The following SHOC1 variants were observed in gnomAD, a reference collection of about 807,000 sequenced individuals.
SHOC1 encodes protein shortage in chiasmata 1 ortholog.
In SHOC1, 136 loss-of-function variants were observed where a neutral mutation model predicts 179.2. That is an observed-to-expected ratio of 0.76 (90% CI 0.66 to 0.87). SHOC1 has a LOEUF of 0.87. Ranked by LOEUF, SHOC1 falls within the 40% of genes least tolerant of loss-of-function variation. The pLI is 0.00. For missense variants in SHOC1, 1,538 were observed against 1,700.8 expected, an observed-to-expected ratio of 0.90 and a Z score of 1.68; for synonymous variants, 489 against 586.6, an observed-to-expected ratio of 0.83 and a Z score of 2.41.
intron 8 of SHOC1, among the ~76,000 whole-genome samples, chr9:111,751,973 T>C (rs1165525599): frequency 6.6e-6 from 1 of 152,238 alleles, no homozygotes; most frequent in South Asian, 2.1e-4. Context: ...TTCCTGTAGA[T>C]AGCATTTATA....
intron 15 of SHOC1, among the ~76,000 whole-genome samples, chr9:111,719,767 A>C (rs1270767231): frequency 1.3e-5 from 2 of 152,134 alleles, no homozygotes; most frequent in Non-Finnish European, 2.9e-5. Context: ...TACTACTGTG[A>C]CCTCGCGGTT....
chr9:111,746,604 G>C (rs917031453), intron 9 of SHOC1, among the ~76,000 whole-genome samples: 7 of 152,108 alleles, frequency 4.6e-5, no homozygotes, highest in Non-Finnish European at 1.0e-4. Context: ...AGGAATTTGA[G>C]ATTGCAATGA....
chr9:111,759,532 C>T (rs1835044503), intron 5 of SHOC1: 2 of 1,179,976 alleles, frequency 1.7e-6, no homozygotes, highest in South Asian at 4.1e-5. Flanking sequence ...GGCTAGCTGT[C>T]TAACAGCTTT....
intron 7 of SHOC1, among the ~76,000 whole-genome samples, chr9:111,757,520 C>T (rs1834922603): frequency 6.6e-6 from 1 of 152,204 alleles, no homozygotes; most frequent in South Asian, 2.1e-4. Context: ...TCTTTACATA[C>T]TGATATTATG....
chr9:111,702,071 G>T lies in SHOC1; in HGVS notation c.3089+34C>A. ...AAGAGGACTTAGGATTAAGAAATAC[G>T]AACATAACTTTGGATGAAGAAATGT... On this transcript the variant is annotated intron_variant, in intron 23 of 27. Transcript: ENST00000682961. 3 of 1,406,822 alleles carry T rather than the reference G, an allele frequency of 2.1e-6. No individual in the cohort carries two copies. The South Asian group carries it at 4.0e-5, about 19-fold the overall frequency. 87.1% of individuals were successfully genotyped at this position (1,406,822 alleles called of 1,614,324 possible). A position where few individuals can be genotyped will look rare whatever the true frequency, so the allele number is the denominator to read the frequency against.
At chr9:111,712,504 G>A (rs1005416886) in intron 18 of SHOC1, among the ~76,000 whole-genome samples, 23 of 152,136 alleles carry the variant, frequency 1.5e-4, no homozygotes, top group Admixed American at 9.8e-4. Flanking sequence ...AGTATCATGC[G>A]GAGAAAGTTG....
At position 111,705,380 on chromosome 9, in the gene SHOC1, T is replaced by A. The variant is rs966880237; in HGVS notation, c.2738-16A>T. 2 of 1,293,970 alleles carry A rather than the reference T, an allele frequency of 1.5e-6. No individual in the cohort carries two copies. Among genetic ancestry groups the A allele is most frequent in the African/African-American group, 3.1e-5 (2 of 64,672 alleles). 80.2% of individuals were successfully genotyped at this position (1,293,970 alleles called of 1,614,324 possible). Reference sequence around the variant, plus strand: ...AAGGTGCTTCCTAAATAAGAGAAAATTTATAAATATTTCTCTTTTATTCTC... The same window carrying A: ...AAGGTGCTTCCTAAATAAGAGAAAAATTATAAATATTTCTCTTTTATTCTC... On this transcript the variant is annotated splice_polypyrimidine_tract_variant and intron_variant, in intron 20 of 27. Coordinates refer to ENST00000682961, the MANE Select transcript of SHOC1 (RefSeq NM_001378211.1).
chr9:111,736,593 A>G (rs914327861), intron 12 of SHOC1, among the ~76,000 whole-genome samples: 20 of 152,188 alleles, frequency 1.3e-4, no homozygotes, highest in Non-Finnish European at 2.4e-4. Flanking sequence ...TACATGTGAG[A>G]CCTTAAACTA....
intron 8 of SHOC1, among the ~76,000 whole-genome samples, chr9:111,749,827 A>G (rs1390768183): frequency 6.6e-6 from 1 of 152,176 alleles, no homozygotes; most frequent in African/African-American, 2.4e-5. Context: ...TTCCAACCCC[A>G]TCCATGTACC....
intron 11 of SHOC1, among the ~76,000 whole-genome samples, chr9:111,740,248 A>G (rs1055127643): frequency 6.6e-6 from 1 of 152,112 alleles, no homozygotes; most frequent in Non-Finnish European, 1.5e-5. Context: ...TCCACGTAGG[A>G]TATTTCTTGA....
chr9:111,727,165 A>C (rs1033586661), intron 13 of SHOC1, among the ~76,000 whole-genome samples: 1 of 152,230 alleles, frequency 6.6e-6, no homozygotes, highest in Non-Finnish European at 1.5e-5. Context: ...AGTGAATATA[A>C]GACAGTTACA....
At position 111,706,628 on chromosome 9, in the gene SHOC1, T is replaced by C. The variant is rs780223368; in HGVS notation, c.2677A>G (p.Lys893Glu). The C allele has an allele frequency of 7.8e-5, 126 of 1,606,294 alleles. 4 individuals carry two copies. The Admixed American group carries it at 2.1e-3, about 26-fold the overall frequency. The change falls in exon 20 of 28, where the codon AAA (lysine) becomes GAA (glutamate). Residue 893 changes from lysine to glutamate, a missense_variant. By Grantham distance (56) the Lys-to-Glu change is moderately conservative. Coordinates refer to ENST00000682961, the MANE Select transcript of SHOC1 (RefSeq NM_001378211.1). ...GCCATGTAAGGAATATTCAACTCTT[T>C]GCAGTGTTTAGTCCAACAAGAGTCT... ...VEDSCWTKHCKELNIPYMAFK... is the reference protein window; with the variant it reads ...VEDSCWTKHCEELNIPYMAFK...
intron 9 of SHOC1, among the ~76,000 whole-genome samples, chr9:111,746,724 T>C (rs1834306274): frequency 6.6e-6 from 1 of 152,124 alleles, no homozygotes; most frequent in East Asian, 1.9e-4. Context: ...TGTAAGCAAC[T>C]ATTATGTTTG....
intron 5 of SHOC1, among the ~76,000 whole-genome samples, chr9:111,760,280 T>C (rs1199534210): frequency 6.6e-6 from 1 of 152,200 alleles, no homozygotes; most frequent in African/African-American, 2.4e-5. Context: ...CTAATATTCT[T>C]TGTAATTCTA....
chr9:111,705,408 C>T (rs1832216191), intron 20 of SHOC1, 44 bp from the exon 21 acceptor site: 2 of 916,430 alleles, frequency 2.2e-6, no homozygotes, highest in East Asian at 2.9e-5. Flanking sequence ...TTATTCTCAT[C>T]TCCCAGCTCT....
At position 111,692,244 on chromosome 9, in the gene SHOC1, G is replaced by A. The variant is rs1431148101; in HGVS notation, c.3733C>T (p.Pro1245Ser). 1 of 1,613,630 alleles carries A rather than the reference G, an allele frequency of 6.2e-7. No individual in the cohort carries two copies. Among genetic ancestry groups the A allele is most frequent in the Admixed American group, 1.7e-5 (1 of 60,020 alleles). Residue 1245 changes from proline to serine, a missense_variant, in exon 27 of 28, where the codon CCT (proline) becomes TCT (serine). Physicochemically the swap from Pro to Ser is moderately conservative, Grantham distance 74 (BLOSUM62 -1). Transcript: ENST00000682961. ...ELKEISSFLP[P>S]VTSYNQTSYW... Reference sequence around the variant, plus strand: ...CTGGTCTGATTGTATGAAGTCACAGGTGGTAAAAAACTTGAGATTTCTTTT... The same window carrying A: ...CTGGTCTGATTGTATGAAGTCACAGATGGTAAAAAACTTGAGATTTCTTTT...
intron 4 of SHOC1, among the ~76,000 whole-genome samples, chr9:111,778,646 C>T (rs1051521857): frequency 3.3e-5 from 5 of 150,194 alleles, no homozygotes; most frequent in African/African-American, 1.2e-4. Context: ...TAGTGGATGC[C>T]TGTAATATCA....
At chr9:111,694,459 C>G in intron 24 of SHOC1, 97 bp from the exon 25 acceptor site, 1 of 823,796 alleles carries the variant, frequency 1.2e-6, no homozygotes, top group Non-Finnish European at 1.8e-6. Context: ...AATTAAACAA[C>G]AGCAGATTCT....
At chr9:111,720,572 A>G (rs1371175453) in intron 15 of SHOC1, among the ~76,000 whole-genome samples, 5 of 152,116 alleles carry the variant, frequency 3.3e-5, no homozygotes, top group Admixed American at 6.5e-5. Context: ...CTCTTTTGAG[A>G]ATGCTAATTA....
Sources: gnomAD v4.1 joint callset for allele counts (sites outside exome capture counted in the v4.1 genomes callset) on GRCh38, gnomAD v4.1.1 for gene constraint, MANE v1.5 for transcripts, NCBI Gene and HGNC (gene_info 2026-07-23, HGNC 2026-07-21) for gene names.